The following EFCAB8 variants were observed in gnomAD, a reference collection of about 807,000 sequenced individuals.
EFCAB8 encodes EF-hand calcium-binding domain-containing protein 8.
Under a neutral mutation model 116.3 loss-of-function variants are expected in EFCAB8, and 100 were observed. The observed-to-expected ratio is 0.86, with a 90% CI of 0.73 to 1.02. EFCAB8 has a LOEUF of 1.02. Ranked by LOEUF, EFCAB8 falls within the 50% of genes least tolerant of loss-of-function variation. The pLI, the probability that EFCAB8 is intolerant of heterozygous loss-of-function variation, is 0.00. For synonymous variants in EFCAB8, 558 were observed against 567.9 expected (o/e 0.98, Z 0.25); for missense variants, 1,320 against 1,416.9 (o/e 0.93, Z 1.10).
chr20:32,895,575 CTTT>C (rs35301817), intron 9 of EFCAB8, among the ~76,000 whole-genome samples: 3 of 125,128 alleles, frequency 2.4e-5, no homozygotes, highest in Admixed American at 8.0e-5. Context: ...TTCTTTCTTT[CTTT>C]TTTTTTTTTT....
chr20:32,917,843 A>C (rs541887087), intron 18 of EFCAB8, among the ~76,000 whole-genome samples: 1 of 152,132 alleles, frequency 6.6e-6, no homozygotes, highest in Non-Finnish European at 1.5e-5. Flanking sequence ...GCTACTACAC[A>C]TTACCACTGT....
chr20:32,889,043 T>G (rs2146207144), intron 6 of EFCAB8, among the ~76,000 whole-genome samples: 1 of 152,250 alleles, frequency 6.6e-6, no homozygotes, highest in Non-Finnish European at 1.5e-5. Context: ...GGCAAGACTT[T>G]GATAGAACTG....
intron 1 of EFCAB8, among the ~76,000 whole-genome samples, chr20:32,861,555 C>G (rs1984116673): frequency 6.6e-6 from 1 of 152,140 alleles, no homozygotes; most frequent in African/African-American, 2.4e-5. Flanking sequence ...TCCCAAAGTG[C>G]TAGAAGTACA....
intron 6 of EFCAB8, among the ~76,000 whole-genome samples, chr20:32,886,377 C>A (rs978136139): frequency 6.6e-6 from 1 of 152,108 alleles, no homozygotes; most frequent in Non-Finnish European, 1.5e-5. Flanking sequence ...TGTACTTGGT[C>A]GCCAGGGCCG....
intron 7 of EFCAB8, 119 bp from the exon 8 acceptor site, chr20:32,892,094 G>A: frequency 1.1e-6 from 1 of 869,826 alleles, no homozygotes; most frequent in South Asian, 1.6e-5. Flanking sequence ...GGTTGCCATG[G>A]GGGAAAAAGG....
intron 11 of EFCAB8, among the ~76,000 whole-genome samples, chr20:32,901,949 G>A (rs1167061993): frequency 6.6e-6 from 1 of 152,156 alleles, no homozygotes; most frequent in Admixed American, 6.5e-5. Context: ...GCCTCCCAAA[G>A]TGCTGGGATT....
intron 1 of EFCAB8, among the ~76,000 whole-genome samples, chr20:32,859,786 C>T (rs1397358781): frequency 2.0e-5 from 3 of 152,184 alleles, no homozygotes; most frequent in Non-Finnish European, 4.4e-5. Flanking sequence ...AGGACATTCT[C>T]ATAACCACAA....
At chr20:32,953,106 C>T (rs1451728928) in intron 23 of EFCAB8, among the ~76,000 whole-genome samples, 1 of 152,180 alleles carries the variant, frequency 6.6e-6, no homozygotes, top group Non-Finnish European at 1.5e-5. Flanking sequence ...TTTCACTTAG[C>T]ATAATGCCCT....
chr20:32,860,625 G>T lies in EFCAB8; in HGVS notation c.-11+1619G>T, dbSNP rs6120002. 3.3e-5 allele frequency among the ~76,000 whole-genome samples: 5 copies of T among 149,310 alleles called. No individual in the cohort carries two copies. In the South Asian group the frequency reaches 1.1e-3, roughly 32 times the overall value. On this transcript the variant is annotated intron_variant, in intron 1 of 26. Coordinates refer to ENST00000400522, the MANE Select transcript of EFCAB8 (RefSeq NM_001143967.2). ...GGGTTCAAGCGATTCTCGTGCCTCAGTCTCCCGAGTAGCTGGGATTACAGA... is the reference window on the plus strand; with the variant it reads ...GGGTTCAAGCGATTCTCGTGCCTCATTCTCCCGAGTAGCTGGGATTACAGA...
rs545805642 is a variant in EFCAB8 at position 32,870,300 on chromosome 20, A to G, written c.208+2553A>G. Among the ~76,000 whole-genome samples the G allele has an allele frequency of 8.5e-5, 13 of 152,334 alleles. No homozygotes were observed. In the East Asian group the frequency reaches 1.2e-3, roughly 14 times the overall value. Reference sequence around the variant, plus strand: ...GACTCCATTGGTACTGACCTTGGCCATCGTTTTTATTGTGTTTGTGTATGT... The same window carrying G: ...GACTCCATTGGTACTGACCTTGGCCGTCGTTTTTATTGTGTTTGTGTATGT... On this transcript the variant is annotated intron_variant, in intron 3 of 26. Coordinates refer to ENST00000400522, the MANE Select transcript of EFCAB8 (RefSeq NM_001143967.2).
chr20:32,903,591 T>TCC (rs1203257896), intron 11 of EFCAB8: 1 of 152,268 alleles, frequency 6.6e-6, no homozygotes, highest in Admixed American at 6.5e-5. Flanking sequence ...TGACCATTCT[T>TCC]CCAGAACATT....
intron 23 of EFCAB8, among the ~76,000 whole-genome samples, chr20:32,955,989 G>T: frequency 6.6e-6 from 1 of 151,814 alleles, no homozygotes; most frequent in South Asian, 2.1e-4. Flanking sequence ...TATGTAGTTG[G>T]GTTGAAGTCA....
At chr20:32,926,504 C>G (rs1987678094) in intron 20 of EFCAB8, among the ~76,000 whole-genome samples, 1 of 130,472 alleles carries the variant, frequency 7.7e-6, no homozygotes. Flanking sequence ...AATCTATCCA[C>G]TTCATTCTTT....
chr20:32,916,074 A>T (rs1355515775), intron 17 of EFCAB8, among the ~76,000 whole-genome samples: 1 of 152,206 alleles, frequency 6.6e-6, no homozygotes, highest in Admixed American at 6.5e-5. Flanking sequence ...TCAGGCTGTT[A>T]TAACAGAATA....
intron 26 of EFCAB8, among the ~76,000 whole-genome samples, chr20:32,960,382 C>A (rs957162014): frequency 1.3e-5 from 2 of 152,198 alleles, no homozygotes; most frequent in Admixed American, 1.3e-4. Context: ...CAGCTTTTGT[C>A]CTTGAGGACA....
chr20:32,934,046 G>A (rs1388865648), intron 22 of EFCAB8, among the ~76,000 whole-genome samples: 9 of 141,434 alleles, frequency 6.4e-5, no homozygotes, highest in African/African-American at 2.4e-4. Context: ...TGAGGTCTAT[G>A]TTGCCCAGGC....
intron 22 of EFCAB8, 111 bp downstream of exon 22, chr20:32,931,447 A>G (rs1229823565): frequency 1.5e-6 from 2 of 1,331,434 alleles, no homozygotes; most frequent in African/African-American, 1.5e-5. Flanking sequence ...AAAAGATAAG[A>G]GCAAAAATAT....
At chr20:32,927,608 A>G (rs1987724077) in intron 20 of EFCAB8, among the ~76,000 whole-genome samples, 1 of 152,200 alleles carries the variant, frequency 6.6e-6, no homozygotes, top group Non-Finnish European at 1.5e-5. Context: ...GCTTCCCAAA[A>G]TGCTGGGATT....
intron 24 of EFCAB8, 65 bp downstream of exon 24, chr20:32,958,615 G>C (rs1451990626): frequency 2.4e-6 from 1 of 410,604 alleles, no homozygotes; most frequent in Admixed American, 4.4e-5. Flanking sequence ...AGTCTTCCCA[G>C]GTCCTGGGAA....
Sources: allele counts gnomAD v4.1 joint callset (sites outside exome capture counted in the v4.1 genomes callset), GRCh38; gene constraint gnomAD v4.1.1; transcripts MANE v1.5; gene names NCBI Gene and HGNC (gene_info 2026-07-23, HGNC 2026-07-21).